FAM180B: variants seen among roughly 807,000 people sequenced by gnomAD.
FAM180B encodes the protein protein FAM180B.
Under a neutral mutation model 13.6 loss-of-function variants are expected in FAM180B, and 14 were observed. That is an observed-to-expected ratio of 1.03 (90% CI 0.68 to 1.60). The LOEUF (loss-of-function observed/expected upper bound fraction) is 1.60. Ranked by LOEUF, FAM180B falls within the 40% of genes most tolerant of loss-of-function variation. The pLI is 0.00. For synonymous variants in FAM180B, 109 were observed against 97.0 expected, an observed-to-expected ratio of 1.12 and a Z score of -0.72; for missense variants, 212 against 230.4, an observed-to-expected ratio of 0.92 and a Z score of 0.52.
At position 47,588,315 on chromosome 11, in the gene FAM180B, G is replaced by A. The variant is rs4486587; in HGVS notation, c.433G>A (p.Ala145Thr). ...ASEAEERGRW[A>T]QVFALLAQET... The stretch of plus-strand genomic sequence containing the variant: ...TGAGGCTGAGGAACGGGGCCGCTGG[G>A]CCCAGGTCTTCGCTCTCCTGGCACA... The change falls in exon 3 of 3, where the codon GCC (alanine) becomes ACC (threonine). Residue 145 changes from alanine (A) to threonine (T), a missense_variant. Coordinates refer to ENST00000538490, the MANE Select transcript of FAM180B (RefSeq NM_001164379.3). 1,529,723 of 1,537,086 alleles carry A rather than the reference G, an allele frequency of 1. 761,290 individuals carry two copies. Among genetic ancestry groups the A allele is most frequent in the East Asian group, 1 (40,895 of 40,896 alleles).
intron 1 of FAM180B, among the ~76,000 whole-genome samples, 194 bp from the exon 2 acceptor site, chr11:47,587,557 T>A (rs78449878): frequency 6.6e-6 from 1 of 152,108 alleles, no homozygotes; most frequent in Non-Finnish European, 1.5e-5. Flanking sequence ...GACCTATGCC[T>A]GGGAGGGTGA....
intron 1 of FAM180B, 73 bp from the exon 2 acceptor site, chr11:47,587,678 A>G: frequency 9.3e-7 from 1 of 1,075,132 alleles, no homozygotes; most frequent in Non-Finnish European, 1.3e-6. Flanking sequence ...CAGGCAGCAG[A>G]GGGGCACTTC....
chr11:47,587,746 C>G lies in FAM180B; in HGVS notation c.86-5C>G. 1 of 1,517,512 alleles carries G rather than the reference C, an allele frequency of 6.6e-7. No homozygotes were observed. The highest frequency in any genetic ancestry group is 1.2e-5 in the South Asian group (1 of 80,808). 94.0% of individuals were successfully genotyped at this position (1,517,512 alleles called of 1,614,324 possible). Reference sequence around the variant, plus strand: ...CAGGGGCCTGACTCCTCTCTGCTGCCCCAGGGCAGCCCATGGACAGCACCA... The same window carrying G: ...CAGGGGCCTGACTCCTCTCTGCTGCGCCAGGGCAGCCCATGGACAGCACCA... On this transcript the variant is annotated splice_region_variant and splice_polypyrimidine_tract_variant and intron_variant, in intron 1 of 2. Coordinates refer to ENST00000538490, the MANE Select transcript of FAM180B (RefSeq NM_001164379.3).
At position 47,586,862 on chromosome 11, in the gene FAM180B, C is replaced by CACCCCA; in HGVS notation, c.85+9_85+10insACCCCA. On this transcript the variant is annotated intron_variant, in intron 1 of 2. Transcript: ENST00000538490. ...AACCCAGCCCCATGCAGGTACCAGG[C>CACCCCA]TTCAGGGTGGGTGGAGAGGAGCCAA... 1 of 1,531,194 alleles carries CACCCCA rather than the reference C, an allele frequency of 6.5e-7. No individual in the cohort carries two copies. The highest frequency in any genetic ancestry group is 8.8e-7 in the Non-Finnish European group (1 of 1,141,332). The allele number at this position is 1,531,194 out of a possible 1,614,324, so 94.9% of individuals were successfully genotyped here.
Position 47,588,128 on chromosome 11 carries a change from C to CA in FAM180B, c.247dup (p.Arg83LysfsTer11), listed in dbSNP as rs1291348717. 2.0e-6 allele frequency: 3 copies of CA among 1,537,230 alleles called. No individual in the cohort carries two copies. The highest frequency in any genetic ancestry group is 2.7e-5 in the African/African-American group (2 of 73,158). On this transcript the variant is annotated frameshift_variant, in exon 3 of 3. Transcript: ENST00000538490. LOFTEE classifies it high-confidence loss of function. The stretch of plus-strand genomic sequence containing the variant: ...CGTCCACACACCCAGGCCGCCGACT[C>CA]AGACTCCTCCTGCAGCACCACGTGC...
chr11:47,588,089 G>A lies in FAM180B; in HGVS notation c.207G>A (p.Gln69=). ...ATGTCATGGGGCAGCTGCACATCCA[G>A]GATGAGGAACTAGCGTCCACACACC... is the stretch of plus-strand genomic sequence containing the variant. ...ELDVMGQLHI[Q]DEELASTHPG... Residue 69 remains glutamine (Q), a synonymous_variant, in exon 3 of 3, where the codon CAG becomes CAA. Transcript: ENST00000538490. The A allele has an allele frequency of 1.3e-6, 2 of 1,537,046 alleles. No individual in the cohort carries two copies. Among genetic ancestry groups the A allele is most frequent in the Non-Finnish European group, 8.7e-7 (1 of 1,146,874 alleles).
rs1313707580 is a variant in FAM180B, at chr11:47,588,096, G to T, written c.214G>T (p.Glu72Ter). 6.5e-7 allele frequency: 1 copy of T among 1,536,938 alleles called. No homozygotes were observed. The highest frequency in any genetic ancestry group is 1.4e-5 in the African/African-American group (1 of 73,032). The change falls in exon 3 of 3, where the codon GAA (glutamate) becomes TAA (stop). Residue 72 changes from glutamate (E) to a stop codon, truncating the protein, a stop_gained. Transcript: ENST00000538490. LOFTEE classifies it low-confidence loss of function (END_TRUNC). ...VMGQLHIQDEELASTHPGRRL... is the reference protein window; with the variant it reads ...VMGQLHIQDE ...GGGGCAGCTGCACATCCAGGATGAG[G>T]AACTAGCGTCCACACACCCAGGCCG...
chr11:47,588,274 G>A lies in FAM180B; in HGVS notation c.392G>A (p.Arg131Gln), dbSNP rs191781208. 5 of 1,537,008 alleles carry A rather than the reference G, an allele frequency of 3.3e-6. No individual in the cohort carries two copies. The highest frequency in any genetic ancestry group is 2.4e-5 in the South Asian group (2 of 84,052). Residue 131 changes from arginine (R) to glutamine (Q), a missense_variant, in exon 3 of 3, where the codon CGG (arginine) becomes CAG (glutamine). Arg to Gln is a conservative substitution (Grantham distance 43, BLOSUM62 1). Coordinates refer to ENST00000538490, the MANE Select transcript of FAM180B (RefSeq NM_001164379.3). ...CTCACAGGCCTGTCCTGCGTCTACC[G>A]GCTCCACGCAGCTAGTGAGGCTGAG... ...LLLTGLSCVY[R>Q]LHAASEAEER...
chr11:47,588,701 G>A lies in FAM180B; in HGVS notation c.*267G>A, dbSNP rs2097273203. ...GGGCACAGAGCTAAGGGCACGACTT[G>A]CAGGCAGTGTGTGTGTGAGTGTGTG... On this transcript the variant is annotated 3_prime_UTR_variant, in exon 3 of 3. Coordinates refer to ENST00000538490, the MANE Select transcript of FAM180B (RefSeq NM_001164379.3). The A allele has an allele frequency of 2.4e-6, 1 of 415,202 alleles. No homozygotes were observed. Among genetic ancestry groups the A allele is most frequent in the Non-Finnish European group, 4.3e-6 (1 of 231,608 alleles). 25.7% of individuals were successfully genotyped at this position (415,202 alleles called of 1,614,324 possible).
intron 2 of FAM180B, 59 bp from the exon 3 acceptor site, chr11:47,587,980 C>T (rs893764235): frequency 2.3e-5 from 34 of 1,477,984 alleles, no homozygotes; most frequent in Non-Finnish European, 2.9e-5. Flanking sequence ...CCAGCCCACT[C>T]TTGCTCCCTG....
In FAM180B at chr11:47,587,798, G is replaced by C; in HGVS notation, c.133G>C (p.Glu45Gln). The change falls in exon 2 of 3, where the codon GAG becomes CAG. Residue 45 changes from glutamate to glutamine, a missense_variant. Coordinates refer to ENST00000538490, the MANE Select transcript of FAM180B (RefSeq NM_001164379.3). ...CGTGGGAGGTGGCCTGCAGGAGCCAGAGGCCCCGGAAGTGATGTTTGAGGT... is the reference window on the plus strand; with the variant it reads ...CGTGGGAGGTGGCCTGCAGGAGCCACAGGCCCCGGAAGTGATGTTTGAGGT... ...TSVGGGLQEPEAPEVMFELLW... is the reference protein window; with the variant it reads ...TSVGGGLQEPQAPEVMFELLW... The C allele has an allele frequency of 6.5e-7, 1 of 1,535,398 alleles. No individual in the cohort carries two copies. Among genetic ancestry groups the C allele is most frequent in the Non-Finnish European group, 8.7e-7 (1 of 1,145,832 alleles).
In FAM180B at chr11:47,586,691, G is replaced by T; in HGVS notation, c.-78G>T. ...CTGGAGCAGCCCGCAGTGGAAAGTT[G>T]GAGCTGAGGTGTGTGGCAGGCAGAT... On this transcript the variant is annotated 5_prime_UTR_variant, in exon 1 of 3. Coordinates refer to ENST00000538490, the MANE Select transcript of FAM180B (RefSeq NM_001164379.3). The T allele has an allele frequency of 9.5e-7, 1 of 1,047,812 alleles. No individual in the cohort carries two copies. The highest frequency in any genetic ancestry group is 1.4e-6 in the Non-Finnish European group (1 of 699,500). The allele number at this position is 1,047,812 out of a possible 1,614,324, so 64.9% of individuals were successfully genotyped here.
Position 47,587,265 on chromosome 11 carries a change from C to G in FAM180B, c.85+412C>G, listed in dbSNP as rs75904593. On this transcript the variant is annotated intron_variant, in intron 1 of 2. Transcript: ENST00000538490. ...TCCCTGCCTCACATCCTCCCCTGCT[C>G]TGTCCTCCCTGCCCTGTCTTCCTCC... Among the ~76,000 whole-genome samples the G allele has an allele frequency of 2.3e-4, 35 of 152,280 alleles. 3 individuals are homozygous for G. The East Asian group carries it at 6.8e-3, about 29-fold the overall frequency.
Position 47,588,545 on chromosome 11 carries a change from C to G in FAM180B, c.*111C>G, listed in dbSNP as rs963762220. On this transcript the variant is annotated 3_prime_UTR_variant, in exon 3 of 3. Coordinates refer to ENST00000538490, the MANE Select transcript of FAM180B (RefSeq NM_001164379.3). ...TCTGTCTGGCATCTGATTCTTTTCA[C>G]CGTGTTCAGATCTCTGGGCTTGGCT... 1.6e-6 allele frequency: 1 copy of G among 611,528 alleles called. No homozygotes were observed. The highest frequency in any genetic ancestry group is 1.8e-5 in the African/African-American group (1 of 54,264). 37.9% of individuals were successfully genotyped at this position (611,528 alleles called of 1,614,324 possible).
Position 47,587,947 on chromosome 11 carries a change from G to GC in FAM180B, c.157-91dup, listed in dbSNP as rs2097272561. On this transcript the variant is annotated intron_variant, in intron 2 of 2. Coordinates refer to ENST00000538490, the MANE Select transcript of FAM180B (RefSeq NM_001164379.3). Reference sequence around the variant, plus strand: ...GGTGGGGCAAGCCAGCATGCGTCCTGCTGCCTGCTTCTGCCCCTTCCCCCA... The same window carrying GC: ...GGTGGGGCAAGCCAGCATGCGTCCTGCCTGCCTGCTTCTGCCCCTTCCCCCA... The GC allele has an allele frequency of 5.6e-6, 8 of 1,423,734 alleles. No homozygotes were observed. In the East Asian group the frequency reaches 2.0e-4, roughly 35 times the overall value. 88.2% of individuals were successfully genotyped at this position (1,423,734 alleles called of 1,614,324 possible). A position where few individuals can be genotyped will look rare whatever the true frequency, so the allele number is the denominator to read the frequency against.
chr11:47,588,529 C>A lies in FAM180B; in HGVS notation c.*95C>A. 2 of 632,280 alleles carry A rather than the reference C, an allele frequency of 3.2e-6. No individual in the cohort carries two copies. The highest frequency in any genetic ancestry group is 5.4e-6 in the Non-Finnish European group (2 of 369,166). 39.2% of individuals were successfully genotyped at this position (632,280 alleles called of 1,614,324 possible). A position where few individuals can be genotyped will look rare whatever the true frequency, so the allele number is the denominator to read the frequency against. ...ATCTTGCGCAGGGGCTTCTGTCTGG[C>A]ATCTGATTCTTTTCACCGTGTTCAG... On this transcript the variant is annotated 3_prime_UTR_variant, in exon 3 of 3. Transcript: ENST00000538490.
chr11:47,588,741 T>C lies in FAM180B; in HGVS notation c.*307T>C. ...GTGAGTGTGTGTGTGTGTGTGTGTG[T>C]GTGTGTGTGTGTGTGGAGATCAGGG... On this transcript the variant is annotated 3_prime_UTR_variant, in exon 3 of 3. Transcript: ENST00000538490. 1 of 273,106 alleles carries C rather than the reference T, an allele frequency of 3.7e-6. No homozygotes were observed. Among genetic ancestry groups the C allele is most frequent in the Non-Finnish European group, 6.7e-6 (1 of 148,738 alleles). The allele number at this position is 273,106 out of a possible 1,614,324, so 16.9% of individuals were successfully genotyped here.
In FAM180B at chr11:47,588,719, AGTGTGTGTGTGT is replaced by A. The variant is rs58699057; in HGVS notation, c.*311_*322del. The A allele has an allele frequency of 1.6e-4, 35 of 213,782 alleles. 1 individual carries two copies. The highest frequency in any genetic ancestry group is 1.8e-4 in the Non-Finnish European group (20 of 110,364). The allele number at this position is 213,782 out of a possible 1,614,324, so 13.2% of individuals were successfully genotyped here. The stretch of plus-strand genomic sequence containing the variant: ...ACGACTTGCAGGCAGTGTGTGTGTG[AGTGTGTGTGTGT>A]GTGTGTGTGTGTGTGTGTGTGTGTG... On this transcript the variant is annotated 3_prime_UTR_variant, in exon 3 of 3. Transcript: ENST00000538490.
chr11:47,586,825 T>C lies in FAM180B; in HGVS notation c.57T>C (p.Ser19=), dbSNP rs1289755331. The C allele has an allele frequency of 2.0e-6, 3 of 1,537,082 alleles. No individual in the cohort carries two copies. Among genetic ancestry groups the C allele is most frequent in the Non-Finnish European group, 2.6e-6 (3 of 1,146,846 alleles). The stretch of plus-strand genomic sequence containing the variant: ...TGGTGGTAGCCATTTGTCTCCTCTC[T>C]GGTGTGACTACAACCCAGCCCCATG... The part of the protein sequence containing the change: ...VCLVVAICLL[S]GVTTTQPHAG... Residue 19 remains serine, a synonymous_variant, in exon 1 of 3, where the codon TCT becomes TCC. Transcript: ENST00000538490.
Sources: allele counts gnomAD v4.1 joint callset (sites outside exome capture counted in the v4.1 genomes callset), GRCh38; gene constraint gnomAD v4.1.1; transcripts MANE v1.5; gene names NCBI Gene and HGNC (gene_info 2026-07-23, HGNC 2026-07-21).